RIPK3: variants seen among roughly 807,000 people sequenced by gnomAD.
The protein encoded by RIPK3 is receptor interacting serine/threonine kinase 3.
In RIPK3, 51 loss-of-function variants were observed where a neutral mutation model predicts 51.6. That is an observed-to-expected ratio of 0.99 (90% confidence interval 0.79 to 1.25). The LOEUF (loss-of-function observed/expected upper bound fraction) is 1.25. Among genes scored for constraint, RIPK3 ranks in the 50% most tolerant of loss-of-function variants. The pLI is 0.00. For synonymous variants in RIPK3, 246 were observed against 257.7 expected, an observed-to-expected ratio of 0.95 and a Z score of 0.44; for missense variants, 654 against 650.4, an observed-to-expected ratio of 1.01 and a Z score of -0.06.
rs1246787784 is a variant in RIPK3, at chr14:24,337,081, C to T, written c.1275+5G>A. 1.2e-6 allele frequency: 2 copies of T among 1,612,508 alleles called. No homozygotes were observed. Among genetic ancestry groups the T allele is most frequent in the South Asian group, 2.2e-5 (2 of 91,062 alleles). On this transcript the variant is annotated splice_donor_5th_base_variant and intron_variant, in intron 8 of 9. Transcript: ENST00000216274. Reference sequence around the variant, plus strand: ...GTGCATCCCCTAATCCTGTCAATGTCTCACCTGATTCCCTCGGGGTCCAGG... The same window carrying T: ...GTGCATCCCCTAATCCTGTCAATGTTTCACCTGATTCCCTCGGGGTCCAGG...
Position 24,338,958 on chromosome 14 carries a change from G to C in RIPK3, c.471+57C>G, listed in dbSNP as rs753370728. The C allele has an allele frequency of 2.1e-6, 3 of 1,423,798 alleles. No individual in the cohort carries two copies. The African/African-American group carries it at 4.2e-5, about 20-fold the overall frequency. The allele number at this position is 1,423,798 out of a possible 1,614,324, so 88.2% of individuals were successfully genotyped here. A position where few individuals can be genotyped will look rare whatever the true frequency, so the allele number is the denominator to read the frequency against. On this transcript the variant is annotated intron_variant, in intron 3 of 9. Transcript: ENST00000216274. ...TGGAGGTCTAGTGTCCGGCGGGCCT[G>C]GCTGGAGCAGCTCTGGGGCCTTGTC...
At position 24,336,277 on chromosome 14, in the gene RIPK3, C is replaced by T; in HGVS notation, c.1455G>A (p.Gly485=). 4 of 1,614,098 alleles carry T rather than the reference C, an allele frequency of 2.5e-6. No individual in the cohort carries two copies. Among genetic ancestry groups the T allele is most frequent in the South Asian group, 1.1e-5 (1 of 91,084 alleles). The change falls in exon 10 of 10, where the codon GGG becomes GGA. Residue 485 remains glycine, a synonymous_variant. Coordinates refer to ENST00000216274, the MANE Select transcript of RIPK3 (RefSeq NM_006871.4). ...PTWGLAPSGK[G]RGLQHPPPVG... ...CTGGTGGGGGGTGCTGCAAGCCCCT[C>T]CCCTTGCCCGAAGGTGCCAAGCCCC... is the stretch of plus-strand genomic sequence containing the variant.
At position 24,337,993 on chromosome 14, in the gene RIPK3, T is replaced by C; in HGVS notation, c.712A>G (p.Asn238Asp). 6.2e-7 allele frequency: 1 copy of C among 1,614,202 alleles called. No homozygotes were observed. Among genetic ancestry groups the C allele is most frequent in the Non-Finnish European group, 8.5e-7 (1 of 1,180,046 alleles). ...GGCAGCTCAGCCAATGAAGGCCGGT[T>C]CTGCCTGTTGCACACTGCTTCGTAC... ...LVYEAVCNRQ[N>D]RPSLAELPQA... The change falls in exon 6 of 10, where the codon AAC becomes GAC. Residue 238 changes from asparagine (N) to aspartate (D), a missense_variant. Physicochemically the swap from Asn to Asp is conservative, Grantham distance 23. Transcript: ENST00000216274.
chr14:24,336,639 G>C (rs990970204), intron 9 of RIPK3: 3 of 668,814 alleles, frequency 4.5e-6, no homozygotes, highest in Non-Finnish European at 7.6e-6. Context: ...ATGGAACTTA[G>C]GGGGCTCACA....
rs150617061 is a variant in RIPK3 at position 24,336,385 on chromosome 14, G to C, written c.1347C>G (p.Leu449=). ...PEPNPVTGRP[L]VNIYNCSGVQ... is the part of the protein sequence containing the mutation. Reference sequence around the variant, plus strand: ...CCCCAGAGCAGTTGTATATGTTAACGAGCGGTCGCCCTTTAAGAGAAATAG... The same window carrying C: ...CCCCAGAGCAGTTGTATATGTTAACCAGCGGTCGCCCTTTAAGAGAAATAG... The change falls in exon 10 of 10, where the codon CTC becomes CTG. Residue 449 remains leucine (L), a synonymous_variant. Transcript: ENST00000216274. 6.2e-7 allele frequency: 1 copy of C among 1,613,370 alleles called. No individual in the cohort carries two copies. Among genetic ancestry groups the C allele is most frequent in the Non-Finnish European group, 8.5e-7 (1 of 1,179,864 alleles).
chr14:24,339,192 C>G lies in RIPK3; in HGVS notation c.294G>C (p.Glu98Asp). ...PKPALVTKFMENGSLSGLLQS... is the reference protein window; with the variant it reads ...PKPALVTKFMDNGSLSGLLQS... ...GCAGCAGCCCCGACAAGGAGCCGTT[C>G]TCCATGAATTTAGTCACCAGAGCCG... is the stretch of plus-strand genomic sequence containing the variant. Residue 98 changes from glutamate to aspartate, a missense_variant, in exon 3 of 10, where the codon GAG becomes GAC. Transcript: ENST00000216274. This position sits in a 1 kb window ranked among gnomAD's most constrained non-coding sequence, Gnocchi z 4.0. 1 of 1,614,262 alleles carries G rather than the reference C, an allele frequency of 6.2e-7. No homozygotes were observed. The highest frequency in any genetic ancestry group is 8.5e-7 in the Non-Finnish European group (1 of 1,180,050).
Position 24,336,414 on chromosome 14 carries a change from T to C in RIPK3, c.1337-19A>G. ...GGTCGCCCTTTAAGAGAAATAGTGA[T>C]GGTGGCAGGAGGGTTTAGCTGTCAG... is the stretch of plus-strand genomic sequence containing the variant. On this transcript the variant is annotated intron_variant, in intron 9 of 9. Coordinates refer to ENST00000216274, the MANE Select transcript of RIPK3 (RefSeq NM_006871.4). 6.2e-7 allele frequency: 1 copy of C among 1,608,250 alleles called. No homozygotes were observed. The highest frequency in any genetic ancestry group is 1.1e-5 in the South Asian group (1 of 90,852).
intron 9 of RIPK3, 175 bp from the exon 10 acceptor site, chr14:24,336,570 C>T: frequency 1.1e-6 from 1 of 944,298 alleles, no homozygotes; most frequent in Non-Finnish European, 1.5e-6. Context: ...TAGAGAGTGG[C>T]AATTGACATT....
intron 3 of RIPK3, 83 bp from the exon 4 acceptor site, chr14:24,338,650 G>A: frequency 1.3e-6 from 2 of 1,513,574 alleles, no homozygotes; most frequent in South Asian, 1.3e-5. Context: ...CCCAGAAGGT[G>A]CAGGTTCAGC....
chr14:24,339,634 G>A lies in RIPK3; in HGVS notation c.21-37C>T, dbSNP rs1418887868. 6.2e-6 allele frequency: 10 copies of A among 1,612,410 alleles called. No individual in the cohort carries two copies. The East Asian group carries it at 8.9e-5, about 14-fold the overall frequency. On this transcript the variant is annotated intron_variant, in intron 1 of 9. Transcript: ENST00000216274. This position sits in a 1 kb window ranked among gnomAD's most constrained non-coding sequence, Gnocchi z 4.0. ...GTGTCGCCCACTAGCCGGCCGTGCC[G>A]TGCCTCAGCGCTGCTCCCCGCGCCC...
rs946960411 is a variant in RIPK3, at chr14:24,336,178, T to C, written c.1554A>G (p.Lys518=). 14 of 1,611,156 alleles carry C rather than the reference T, an allele frequency of 8.7e-6. No individual in the cohort carries two copies. Among genetic ancestry groups the C allele is most frequent in the East Asian group, 2.2e-5 (1 of 44,810 alleles). The change falls in exon 10 of 10, where the codon AAA becomes AAG. Residue 518 remains lysine, a synonymous_variant. Coordinates refer to ENST00000216274, the MANE Select transcript of RIPK3 (RefSeq NM_006871.4). The part of the protein sequence containing the change: ...RPQGWYNHSG[K] Reference sequence around the variant, plus strand: ...GGAGGCAAGCTTGGAAGGTGCTTTATTTCCCGCTATGATTATACCAACCCT... The same window carrying C: ...GGAGGCAAGCTTGGAAGGTGCTTTACTTCCCGCTATGATTATACCAACCCT...
chr14:24,338,921 T>C (rs1421161586), intron 3 of RIPK3, 94 bp downstream of exon 3: 1 of 1,025,742 alleles, frequency 9.7e-7, no homozygotes, highest in African/African-American at 1.6e-5. Flanking sequence ...GCCTATTCAA[T>C]AGACAGGGCT....
chr14:24,338,630 C>A (rs1333442174), intron 3 of RIPK3, 63 bp from the exon 4 acceptor site: 2 of 1,532,386 alleles, frequency 1.3e-6, no homozygotes, highest in African/African-American at 2.8e-5. Flanking sequence ...CCTCCAGGAA[C>A]CCCCCTGCCC....
In RIPK3 at chr14:24,336,243, G is replaced by T. The variant is rs375655665; in HGVS notation, c.1489C>A (p.Gln497Lys). ...GLQHPPPVGSQEGPKDPEAWS... is the reference protein window; with the variant it reads ...GLQHPPPVGSKEGPKDPEAWS... ...GCTTCAGGATCTTTAGGGCCTTCTT[G>T]CGAACCTACTGGTGGGGGGTGCTGC... Residue 497 changes from glutamine (Q) to lysine (K), a missense_variant, in exon 10 of 10, where the codon CAA becomes AAA. By Grantham distance (53) the Gln-to-Lys change is moderately conservative. Transcript: ENST00000216274. The T allele has an allele frequency of 9.8e-5, 158 of 1,613,976 alleles. 1 individual carries two copies. Among genetic ancestry groups the T allele is most frequent in the Non-Finnish European group, 1.3e-4 (150 of 1,180,030 alleles).
chr14:24,338,930 C>T (rs747171900), intron 3 of RIPK3, 85 bp downstream of exon 3: 1 of 1,088,808 alleles, frequency 9.2e-7, no homozygotes, highest in Non-Finnish European at 1.4e-6. Flanking sequence ...ATAGACAGGG[C>T]TCTGGAGGTC....
At position 24,336,256 on chromosome 14, in the gene RIPK3, T is replaced by TG. The variant is rs531266348; in HGVS notation, c.1475dup (p.Pro493ThrfsTer9). 3.6e-3 allele frequency: 5,882 copies of TG among 1,614,020 alleles called. 25 individuals carry two copies. Among genetic ancestry groups the TG allele is most frequent in the Middle Eastern group, 7.3e-3 (44 of 6,062 alleles). On this transcript the variant is annotated frameshift_variant, in exon 10 of 10. Coordinates refer to ENST00000216274, the MANE Select transcript of RIPK3 (RefSeq NM_006871.4). LOFTEE classifies it low-confidence loss of function (END_TRUNC). ...TAGGGCCTTCTTGCGAACCTACTGGTGGGGGGTGCTGCAAGCCCCTCCCCT... is the reference window on the plus strand; with the variant it reads ...TAGGGCCTTCTTGCGAACCTACTGGTGGGGGGGTGCTGCAAGCCCCTCCCCT...
Position 24,338,474 on chromosome 14 carries a change from C to T in RIPK3, c.565G>A (p.Glu189Lys). ...TTCCGGTTTACGTTAACAAACAGTTCTGGGGCCAAGTAGCCCAGGGTGCCC... is the reference window on the plus strand; with the variant it reads ...TTCCGGTTTACGTTAACAAACAGTTTTGGGGCCAAGTAGCCCAGGGTGCCC... ...PGGTLGYLAPELFVNVNRKAS... is the reference protein window; with the variant it reads ...PGGTLGYLAPKLFVNVNRKAS... Residue 189 changes from glutamate to lysine, a missense_variant, in exon 4 of 10, where the codon GAA becomes AAA. Physicochemically the swap from Glu to Lys is moderately conservative, Grantham distance 56. Transcript: ENST00000216274. 12 of 1,613,958 alleles carry T rather than the reference C, an allele frequency of 7.4e-6. No homozygotes were observed. The highest frequency in any genetic ancestry group is 1.0e-5 in the Non-Finnish European group (12 of 1,179,838).
At chr14:24,337,656 C>T (rs758937355) in intron 7 of RIPK3, 39 bp downstream of exon 7, 13 of 1,568,922 alleles carry the variant, frequency 8.3e-6, no homozygotes, top group East Asian at 2.2e-5. Flanking sequence ...CTGTGCCATC[C>T]CTGACCAGCT....
chr14:24,337,965 T>C lies in RIPK3; in HGVS notation c.740A>G (p.Gln247Arg). 2 of 1,614,208 alleles carry C rather than the reference T, an allele frequency of 1.2e-6. No homozygotes were observed. Among genetic ancestry groups the C allele is most frequent in the South Asian group, 1.1e-5 (1 of 91,086 alleles). ...TAAGCCGGGAGTCTCAGGCCCGGCT[T>C]GGGGCAGCTCAGCCAATGAAGGCCG... ...QNRPSLAELP[Q>R]AGPETPGLEG... Residue 247 changes from glutamine (Q) to arginine (R), a missense_variant, in exon 6 of 10, where the codon CAA becomes CGA. Gln to Arg is a conservative substitution (Grantham distance 43). Transcript: ENST00000216274.
Sources: allele counts gnomAD v4.1 joint callset, GRCh38; gene constraint gnomAD v4.1.1; non-coding constraint Gnocchi (gnomAD v3.1); transcripts MANE v1.5; gene names NCBI Gene and HGNC (gene_info 2026-07-23, HGNC 2026-07-21).